DIAPH1: variants seen among roughly 807,000 people sequenced by gnomAD.
DIAPH1 encodes the protein diaphanous related formin 1.
DIAPH1 carries 46 observed loss-of-function variants against 140.7 expected under a neutral mutation model. The ratio of observed to expected loss-of-function variants is 0.33; its 90% CI spans 0.26 to 0.42. The LOEUF (loss-of-function observed/expected upper bound fraction) is 0.42. Ranked by LOEUF, DIAPH1 falls within the 10% of genes least tolerant of loss-of-function variation. The probability of loss-of-function intolerance (pLI) is 1.00; values close to 1 mark genes in which losing one functional copy is unlikely to be tolerated. For synonymous variants in DIAPH1, 565 were observed against 551.6 expected, an observed-to-expected ratio of 1.02 and a Z score of -0.34; for missense variants, 1,310 against 1,558.7, an observed-to-expected ratio of 0.84 and a Z score of 2.69.
At chr5:141,575,793 A>G (rs1219163304) in intron 14 of DIAPH1, among the ~76,000 whole-genome samples, 3 of 152,240 alleles carry the variant, frequency 2.0e-5, no homozygotes, top group African/African-American at 7.2e-5. Context: ...ATGGTAGTAC[A>G]ATCCCAATAT....
chr5:141,524,818 A>G (rs989463458), intron 26 of DIAPH1: 2 of 160,000 alleles, frequency 1.3e-5, no homozygotes, highest in Non-Finnish European at 2.8e-5. Flanking sequence ...AGCTTAGGAT[A>G]GTGAAATCTG....
intron 7 of DIAPH1, 22 bp from the exon 8 acceptor site, chr5:141,580,905 A>T (rs1393294030): frequency 6.2e-7 from 1 of 1,614,108 alleles, no homozygotes; most frequent in Non-Finnish European, 8.5e-7. Flanking sequence ...AAGAACAAAG[A>T]AAGGAGGCTG....
chr5:141,560,645 C>G (rs1218967894), intron 18 of DIAPH1: 1 of 184,818 alleles, frequency 5.4e-6, no homozygotes, highest in Non-Finnish European at 1.2e-5. Context: ...TTTTTAGGTG[C>G]TCCAGATCAG....
At chr5:141,593,305 C>T (rs2099898773) in intron 1 of DIAPH1, among the ~76,000 whole-genome samples, 1 of 152,182 alleles carries the variant, frequency 6.6e-6, no homozygotes, top group African/African-American at 2.4e-5. Flanking sequence ...TCCCTTCTTC[C>T]AGCAGAGGTC....
At chr5:141,583,165 G>T in intron 6 of DIAPH1, 41 bp downstream of exon 6, 2 of 1,550,692 alleles carry the variant, frequency 1.3e-6, no homozygotes, top group Non-Finnish European at 1.8e-6. Context: ...AGTCCCCTGT[G>T]ACTCTCCAAC....
intron 27 of DIAPH1, among the ~76,000 whole-genome samples, chr5:141,521,021 C>T (rs2099886452): frequency 6.6e-6 from 1 of 152,222 alleles, no homozygotes; most frequent in Admixed American, 6.5e-5. Context: ...CTGCCTCAGC[C>T]TCCTGAGTAG....
At chr5:141,527,773 C>T in intron 23 of DIAPH1, 76 bp from the exon 24 acceptor site, 1 of 1,473,434 alleles carries the variant, frequency 6.8e-7, no homozygotes, top group Non-Finnish European at 9.1e-7. Flanking sequence ...CTCAACACCC[C>T]TTAGTTTCAC....
intron 17 of DIAPH1, 142 bp downstream of exon 17, chr5:141,571,784 T>C (rs773887029): frequency 1.3e-6 from 1 of 765,350 alleles, no homozygotes; most frequent in Non-Finnish European, 2.4e-6. Flanking sequence ...CTTTTCTTTC[T>C]TTTGAATGGG....
chr5:141,591,591 C>T (rs1213066813), intron 1 of DIAPH1, among the ~76,000 whole-genome samples: 1 of 149,798 alleles, frequency 6.7e-6, no homozygotes. Context: ...CATCCAGACT[C>T]CAAAGCTGCC....
chr5:141,524,092 A>G, intron 27 of DIAPH1, 51 bp downstream of exon 27: 1 of 1,502,530 alleles, frequency 6.7e-7, no homozygotes, highest in Non-Finnish European at 9.3e-7. Context: ...GCAGGAGTAG[A>G]GAGCCCTCAC....
intron 1 of DIAPH1, among the ~76,000 whole-genome samples, chr5:141,594,931 C>T (rs2099899076): frequency 6.6e-6 from 1 of 150,848 alleles, no homozygotes; most frequent in African/African-American, 2.4e-5. Flanking sequence ...ATCCCAGCTA[C>T]TTGGGAGGCT....
At chr5:141,553,628 A>G (rs956235765) in intron 18 of DIAPH1, among the ~76,000 whole-genome samples, 1 of 152,108 alleles carries the variant, frequency 6.6e-6, no homozygotes, top group Admixed American at 6.5e-5. Flanking sequence ...GGGCAACAAG[A>G]GCAAAACTCT....
rs139621309 is a variant in DIAPH1, at chr5:141,561,624, G to A, written c.2482+9804C>T. Among the ~76,000 whole-genome samples the A allele has an allele frequency of 7.7e-3, 1,166 of 152,214 alleles. 20 individuals carry two copies. Among genetic ancestry groups the A allele is most frequent in the African/African-American group, 0.027 (1,108 of 41,540 alleles). On this transcript the variant is annotated intron_variant, in intron 18 of 27. Transcript: ENST00000389054. ...ACCACATTATAGAAAAATTAAAAGAGAAAGTATGTAGTACCCTAACAAAAT... is the reference window on the plus strand; with the variant it reads ...ACCACATTATAGAAAAATTAAAAGAAAAAGTATGTAGTACCCTAACAAAAT...
At chr5:141,527,131 G>A (rs1040279752) in intron 24 of DIAPH1, among the ~76,000 whole-genome samples, 4 of 152,138 alleles carry the variant, frequency 2.6e-5, no homozygotes, top group African/African-American at 9.7e-5. Flanking sequence ...GTACAGGCAG[G>A]GGAGTTGGTG....
intron 1 of DIAPH1, among the ~76,000 whole-genome samples, chr5:141,594,271 G>A (rs2099898954): frequency 6.6e-6 from 1 of 152,196 alleles, no homozygotes; most frequent in African/African-American, 2.4e-5. Context: ...CCAAAAACCT[G>A]CAGAGAAATG....
intron 16 of DIAPH1, among the ~76,000 whole-genome samples, chr5:141,572,271 T>C (rs1003398888): frequency 6.6e-6 from 1 of 152,184 alleles, no homozygotes; most frequent in African/African-American, 2.4e-5. Context: ...ATACTACGTA[T>C]CCTCCTCCTA....
At chr5:141,576,561 G>T (rs1156454265) in intron 13 of DIAPH1, among the ~76,000 whole-genome samples, 195 bp downstream of exon 13, 1 of 152,174 alleles carries the variant, frequency 6.6e-6, no homozygotes, top group Non-Finnish European at 1.5e-5. Flanking sequence ...AAAGGTGCTG[G>T]TGTGTGTTTT....
intron 18 of DIAPH1, chr5:141,563,083 G>A (rs17097359): frequency 0.026 from 3,950 of 152,234 alleles, 62 homozygotes; most frequent in Middle Eastern, 0.044. Flanking sequence ...AACTCCTTCC[G>A]TGTTGTACAA....
chr5:141,596,859 C>T (rs1449474967), intron 1 of DIAPH1, among the ~76,000 whole-genome samples: 1 of 152,028 alleles, frequency 6.6e-6, no homozygotes, highest in East Asian at 1.9e-4. Context: ...TGAGAGAAAG[C>T]GGGGCTGGGG....
Sources: allele counts gnomAD v4.1 joint callset (sites outside exome capture counted in the v4.1 genomes callset), GRCh38; gene constraint gnomAD v4.1.1; transcripts MANE v1.5; gene names NCBI Gene and HGNC (gene_info 2026-07-23, HGNC 2026-07-21).